CCDC81: variants seen among roughly 807,000 people sequenced by gnomAD.
The protein encoded by CCDC81 is coiled-coil domain containing 81.
A neutral mutation model predicts 83.7 loss-of-function variants in CCDC81; 79 were observed. The observed-to-expected ratio is 0.94, with a 90% CI of 0.79 to 1.14. The LOEUF is 1.14. Among genes scored for constraint, CCDC81 ranks in the 50% most tolerant of loss-of-function variants. CCDC81 has a pLI of 0.00. For missense variants in CCDC81, 791 were observed against 778.1 expected (o/e 1.02, Z -0.20); for synonymous variants, 252 against 278.1 (o/e 0.91, Z 0.93).
chr11:86,422,491 T>G, intron 14 of CCDC81, 83 bp from the exon 15 acceptor site: 1 of 1,310,816 alleles, frequency 7.6e-7, no homozygotes, highest in South Asian at 1.3e-5. Flanking sequence ...TTCTTTTGTG[T>G]ACCTCCTGCC....
chr11:86,392,572 C>A lies in CCDC81; in HGVS notation c.330C>A (p.Val110=). The change falls in exon 4 of 15, where the codon GTC becomes GTA. Residue 110 remains valine (V), a synonymous_variant. Coordinates refer to ENST00000445632, the MANE Select transcript of CCDC81 (RefSeq NM_001156474.2). The part of the protein sequence containing the change: ...GEIPIVPLNF[V]MISLEGPFNR... ...TCCCAATTGTTCCACTTAATTTTGT[C>A]ATGATATCCCTGGAGGGTCCATTTA... is the stretch of plus-strand genomic sequence containing the variant. 6.4e-7 allele frequency: 1 copy of A among 1,551,450 alleles called. No individual in the cohort carries two copies. The highest frequency in any genetic ancestry group is 1.2e-5 in the South Asian group (1 of 83,966).
At chr11:86,409,778 T>C (rs1231220935) in intron 10 of CCDC81, among the ~76,000 whole-genome samples, 5 of 151,946 alleles carry the variant, frequency 3.3e-5, no homozygotes, top group Non-Finnish European at 5.9e-5. Context: ...AGCAGCGGAG[T>C]TGAAAAGTGG....
intron 7 of CCDC81, among the ~76,000 whole-genome samples, chr11:86,406,060 G>T (rs1457064176): frequency 6.6e-6 from 1 of 152,104 alleles, no homozygotes; most frequent in Non-Finnish European, 1.5e-5. Flanking sequence ...GCCATGCCTG[G>T]CCTGTTTCTT....
chr11:86,389,623 A>T (rs1268605076), intron 3 of CCDC81, among the ~76,000 whole-genome samples: 1 of 152,170 alleles, frequency 6.6e-6, no homozygotes, highest in Non-Finnish European at 1.5e-5. Context: ...ACTCACTATT[A>T]TGAGAACAGC....
At chr11:86,389,117 C>T (rs1190495484) in intron 3 of CCDC81, among the ~76,000 whole-genome samples, 1 of 152,032 alleles carries the variant, frequency 6.6e-6, no homozygotes, top group African/African-American at 2.4e-5. Context: ...TAGCAAGCTC[C>T]TGCCTCTACA....
rs1299332629 is a variant in CCDC81 at position 86,415,238 on chromosome 11, A to C, written c.1616A>C (p.His539Pro). Residue 539 changes from histidine to proline, a missense_variant, in exon 13 of 15, where the codon CAC (histidine) becomes CCC (proline). His to Pro is a moderately conservative substitution (Grantham distance 77). Coordinates refer to ENST00000445632, the MANE Select transcript of CCDC81 (RefSeq NM_001156474.2). ...MKHQLEAAAN[H>P]KRKAILHQLV... ...CACCAGCTGGAGGCAGCTGCTAACC[A>C]CAAGAGGAAAGCCATCCTGCATCAA... 6.2e-7 allele frequency: 1 copy of C among 1,614,072 alleles called. No individual in the cohort carries two copies. The highest frequency in any genetic ancestry group is 1.7e-5 in the Admixed American group (1 of 60,008).
chr11:86,390,795 G>A (rs1948317958), intron 3 of CCDC81, among the ~76,000 whole-genome samples: 1 of 152,180 alleles, frequency 6.6e-6, no homozygotes, highest in South Asian at 2.1e-4. Context: ...GAATGAAGGG[G>A]AAAGGTGGAT....
At chr11:86,386,506 G>A (rs1385940727) in intron 2 of CCDC81, among the ~76,000 whole-genome samples, 1 of 152,152 alleles carries the variant, frequency 6.6e-6, no homozygotes, top group East Asian at 1.9e-4. Context: ...GATTTTAACT[G>A]AAATAGAAGA....
chr11:86,378,338 T>C (rs1423813177), intron 1 of CCDC81, among the ~76,000 whole-genome samples: 1 of 152,202 alleles, frequency 6.6e-6, no homozygotes, highest in East Asian at 1.9e-4. Context: ...CAGCAGGCAT[T>C]GTATGATTTC....
chr11:86,407,771 T>C, intron 8 of CCDC81, 70 bp downstream of exon 8: 1 of 1,146,376 alleles, frequency 8.7e-7, no homozygotes, highest in Non-Finnish European at 1.3e-6. Context: ...AAGAGAGTTC[T>C]GGGAATCTCT....
At chr11:86,386,205 A>G in intron 2 of CCDC81, 93 bp downstream of exon 2, 2 of 384,024 alleles carry the variant, frequency 5.2e-6, no homozygotes, top group Non-Finnish European at 8.5e-6. Context: ...GTCTTATATA[A>G]TGTTGCTGGG....
intron 7 of CCDC81, among the ~76,000 whole-genome samples, chr11:86,401,893 T>C (rs1948494078): frequency 6.6e-6 from 1 of 151,978 alleles, no homozygotes; most frequent in Non-Finnish European, 1.5e-5. Context: ...TCCCAGCACT[T>C]TGGGAGGCCG....
chr11:86,380,704 T>G (rs966071866), intron 1 of CCDC81, among the ~76,000 whole-genome samples: 1 of 152,196 alleles, frequency 6.6e-6, no homozygotes, highest in Non-Finnish European at 1.5e-5. Context: ...TACTAAGTCA[T>G]GTCCAGTCCA....
chr11:86,402,156 A>T (rs912510330), intron 7 of CCDC81, among the ~76,000 whole-genome samples: 3 of 150,536 alleles, frequency 2.0e-5, no homozygotes, highest in Non-Finnish European at 4.4e-5. Context: ...AAAAAAAAGA[A>T]GTTAACCAAA....
intron 10 of CCDC81, among the ~76,000 whole-genome samples, chr11:86,412,022 A>T (rs191149808): frequency 6.6e-6 from 1 of 152,182 alleles, no homozygotes; most frequent in African/African-American, 2.4e-5. Flanking sequence ...CTTCCCTGCT[A>T]TATAAACCCC....
chr11:86,414,667 A>C lies in CCDC81; in HGVS notation c.1392-122A>C, dbSNP rs559795731. The C allele has an allele frequency of 1.6e-5, 10 of 636,530 alleles. No individual in the cohort carries two copies. In the East Asian group the frequency reaches 2.9e-4, roughly 18 times the overall value. 39.4% of individuals were successfully genotyped at this position (636,530 alleles called of 1,614,324 possible). ...ATGAAAGCTACCAGAATAAAACATC[A>C]ATTTTTATTTACCAGACTCTTGTTC... On this transcript the variant is annotated intron_variant, in intron 11 of 14. Transcript: ENST00000445632.
chr11:86,404,057 C>T (rs899480876), intron 7 of CCDC81, among the ~76,000 whole-genome samples: 18 of 151,936 alleles, frequency 1.2e-4, no homozygotes, highest in African/African-American at 4.4e-4. Context: ...AATTTTCACT[C>T]CGAGTTAGAG....
chr11:86,406,852 C>A (rs528824761), intron 7 of CCDC81, among the ~76,000 whole-genome samples: 1 of 152,146 alleles, frequency 6.6e-6, no homozygotes, highest in Non-Finnish European at 1.5e-5. Context: ...TATTTTCATT[C>A]TTCGAGCTGC....
chr11:86,386,021 G>T, intron 1 of CCDC81, 30 bp from the exon 2 acceptor site: 1 of 1,265,964 alleles, frequency 7.9e-7, no homozygotes, highest in South Asian at 1.3e-5. Flanking sequence ...CATATAAATT[G>T]AATAATTTCT....
Sources: gnomAD v4.1 joint callset for allele counts (sites outside exome capture counted in the v4.1 genomes callset) on GRCh38, gnomAD v4.1.1 for gene constraint, MANE v1.5 for transcripts, NCBI Gene and HGNC (gene_info 2026-07-23, HGNC 2026-07-21) for gene names.